The following ASAP2 variants were observed in gnomAD, a reference collection of about 807,000 sequenced individuals.
ASAP2 encodes the protein arf-GAP with SH3 domain, ANK repeat and PH domain-containing protein 2.
ASAP2 carries 45 observed loss-of-function variants against 131.4 expected under a neutral mutation model. That is an observed-to-expected ratio of 0.34 (90% CI 0.27 to 0.44). The LOEUF is 0.44. Among genes scored for constraint, ASAP2 ranks in the 20% least tolerant of loss-of-function variants. The probability of loss-of-function intolerance (pLI) is 1.00; values close to 1 mark genes in which losing one functional copy is unlikely to be tolerated. For missense variants in ASAP2, 1,011 were observed against 1,297.0 expected (o/e 0.78, Z 3.39); for synonymous variants, 510 against 503.0 (o/e 1.01, Z -0.19).
intron 3 of ASAP2, among the ~76,000 whole-genome samples, chr2:9,305,993 G>C (rs1668904796): frequency 6.8e-6 from 1 of 147,400 alleles, no homozygotes; most frequent in Non-Finnish European, 1.5e-5. Context: ...ATAGATATTG[G>C]TGTAGAGGCT....
chr2:9,295,345 A>G (rs1229522848), intron 2 of ASAP2, among the ~76,000 whole-genome samples: 1 of 152,220 alleles, frequency 6.6e-6, no homozygotes, highest in Non-Finnish European at 1.5e-5. Context: ...GAAATAATAC[A>G]TGTCTTACGA....
At chr2:9,338,209 A>G (rs1441823224) in intron 9 of ASAP2, among the ~76,000 whole-genome samples, 1 of 151,970 alleles carries the variant, frequency 6.6e-6, no homozygotes, top group African/African-American at 2.4e-5. Flanking sequence ...TATGGGGAGG[A>G]TCAGGCTCTG....
At position 9,401,345 on chromosome 2, in the gene ASAP2, C is replaced by T. The variant is rs541086489; in HGVS notation, c.2895C>T (p.Phe965=). 17 of 1,613,604 alleles carry T rather than the reference C, an allele frequency of 1.1e-5. No homozygotes were observed. The African/African-American group carries it at 1.7e-4, about 16-fold the overall frequency. ...CTGACAACCCCGATGAGCTCACCTT[C>T]TCCGAGGGGGATGTGATCATCGTGG... ...CVADNPDELT[F]SEGDVIIVDG... The change falls in exon 27 of 28, where the codon TTC becomes TTT. Residue 965 remains phenylalanine (F), a synonymous_variant. Coordinates refer to ENST00000281419, the MANE Select transcript of ASAP2 (RefSeq NM_003887.3).
chr2:9,350,647 A>T, intron 11 of ASAP2, 161 bp from the exon 12 acceptor site: 2 of 555,996 alleles, frequency 3.6e-6, no homozygotes, highest in East Asian at 2.9e-5. Context: ...AGGCCTCTGT[A>T]ACTTGTCCCA....
chr2:9,237,491 A>G (rs1188019240), intron 1 of ASAP2, among the ~76,000 whole-genome samples: 2 of 148,600 alleles, frequency 1.3e-5, no homozygotes, highest in African/African-American at 2.5e-5. Context: ...AGCTCGCTGC[A>G]GCCTCGACCT....
chr2:9,315,244 C>T lies in ASAP2; in HGVS notation c.346-3280C>T, dbSNP rs138800658. ...ATTAGGGACACAACCCCAGACAAGC[C>T]TGCCATAGCCCTGAAGCGGGGAGTG... On this transcript the variant is annotated intron_variant, in intron 3 of 27. Coordinates refer to ENST00000281419, the MANE Select transcript of ASAP2 (RefSeq NM_003887.3). Among the ~76,000 whole-genome samples the T allele has an allele frequency of 5.6e-3, 848 of 152,296 alleles. 4 individuals carry two copies. The highest frequency in any genetic ancestry group is 0.019 in the African/African-American group (791 of 41,554).
Position 9,351,834 on chromosome 2 carries a change from T to C in ASAP2, c.1111+939T>C, listed in dbSNP as rs143322114. 3.3e-5 allele frequency among the ~76,000 whole-genome samples: 5 copies of C among 152,318 alleles called. No homozygotes were observed. In the East Asian group the frequency reaches 9.6e-4, roughly 29 times the overall value. ...GCTCTTATCCTCCCTGTTCCCCTTC[T>C]CATACCCTCTGTGTGAATCTCTGGG... is the stretch of plus-strand genomic sequence containing the variant. On this transcript the variant is annotated intron_variant, in intron 12 of 27. Coordinates refer to ENST00000281419, the MANE Select transcript of ASAP2 (RefSeq NM_003887.3).
At chr2:9,245,602 C>G (rs983117251) in intron 1 of ASAP2, among the ~76,000 whole-genome samples, 2 of 152,186 alleles carry the variant, frequency 1.3e-5, no homozygotes, top group Non-Finnish European at 2.9e-5. Flanking sequence ...AAGAGCACCA[C>G]TCTTTCTCTT....
intron 11 of ASAP2, 83 bp downstream of exon 11, chr2:9,344,883 A>T: frequency 1.6e-6 from 2 of 1,222,712 alleles, no homozygotes; most frequent in Non-Finnish European, 2.4e-6. Context: ...AGAGGGCAGG[A>T]GTTGTTCTCC....
In ASAP2 at chr2:9,403,810, T is replaced by G. The variant is rs866638943; in HGVS notation, c.*483T>G. On this transcript the variant is annotated 3_prime_UTR_variant, in exon 28 of 28. Transcript: ENST00000281419. ...ATCAGTTCACCTTTAAAGACACACATTCCTTTGAAATCCACCCAGTGTTTA... is the reference window on the plus strand; with the variant it reads ...ATCAGTTCACCTTTAAAGACACACAGTCCTTTGAAATCCACCCAGTGTTTA... 3.2e-5 allele frequency: 5 copies of G among 155,432 alleles called. No homozygotes were observed. The South Asian group carries it at 1.0e-3, about 31-fold the overall frequency. 9.6% of individuals were successfully genotyped at this position (155,432 alleles called of 1,614,324 possible).
At chr2:9,274,603 A>G (rs1389301344) in intron 1 of ASAP2, among the ~76,000 whole-genome samples, 1 of 152,046 alleles carries the variant, frequency 6.6e-6, no homozygotes, top group African/African-American at 2.4e-5. Flanking sequence ...GATTACAGGC[A>G]TGAGCCACCG....
chr2:9,307,592 T>G (rs1006820238), intron 3 of ASAP2, among the ~76,000 whole-genome samples: 1 of 152,194 alleles, frequency 6.6e-6, no homozygotes, highest in African/African-American at 2.4e-5. Flanking sequence ...GGTGGCTGAC[T>G]GACATGTCCA....
chr2:9,279,262 G>A (rs573571880), intron 1 of ASAP2, 55 bp from the exon 2 acceptor site: 2 of 1,554,564 alleles, frequency 1.3e-6, no homozygotes, highest in African/African-American at 1.4e-5. Context: ...GGTGCTCGCT[G>A]CTAGCGTGGT....
At chr2:9,294,698 A>T (rs371884148) in intron 2 of ASAP2, among the ~76,000 whole-genome samples, 6 of 152,292 alleles carry the variant, frequency 3.9e-5, no homozygotes, top group African/African-American at 1.4e-4. Flanking sequence ...TTAGAGCAAC[A>T]CTGAGGTCCA....
At chr2:9,279,866 TTTTACACATATATA>T (rs200099142) in intron 2 of ASAP2, among the ~76,000 whole-genome samples, 5 of 116,732 alleles carry the variant, frequency 4.3e-5, no homozygotes, top group Non-Finnish European at 9.4e-5. Context: ...CATACATATT[TTTTACACATATATA>T]TTTACACATA....
At chr2:9,306,908 A>G (rs1297683077) in intron 3 of ASAP2, among the ~76,000 whole-genome samples, 5 of 151,986 alleles carry the variant, frequency 3.3e-5, no homozygotes, top group Non-Finnish European at 7.4e-5. Context: ...ACAGAGCATC[A>G]CTGGAATCGC....
chr2:9,350,055 C>T (rs897649622), intron 11 of ASAP2, among the ~76,000 whole-genome samples: 3 of 152,248 alleles, frequency 2.0e-5, no homozygotes, highest in African/African-American at 2.4e-5. Context: ...TTCTGCTGTT[C>T]GAAATTTTTG....
chr2:9,395,600 T>C (rs189902436), intron 24 of ASAP2, among the ~76,000 whole-genome samples: 995 of 64,914 alleles, frequency 0.015, 8 homozygotes, highest in African/African-American at 0.052. Flanking sequence ...TTTTCTTTTT[T>C]TTTTTTTTTT....
chr2:9,400,152 C>G, intron 25 of ASAP2, 80 bp downstream of exon 25: 1 of 1,487,900 alleles, frequency 6.7e-7, no homozygotes, highest in Non-Finnish European at 9.3e-7. Context: ...GCCAGGTGGT[C>G]AGGACTGAGG....
Sources: gnomAD v4.1 joint callset for allele counts (sites outside exome capture counted in the v4.1 genomes callset) on GRCh38, gnomAD v4.1.1 for gene constraint, MANE v1.5 for transcripts, NCBI Gene and HGNC (gene_info 2026-07-23, HGNC 2026-07-21) for gene names.